RBFOX1: variants seen among roughly 807,000 people sequenced by gnomAD.
The protein encoded by RBFOX1 is RNA binding fox-1 homolog 1, also known as RNA binding protein fox-1 homolog 1.
A neutral mutation model predicts 57.7 loss-of-function variants in RBFOX1; 8 were observed. That is an observed-to-expected ratio of 0.14 (90% CI 0.08 to 0.25). The LOEUF is 0.25. Among genes scored for constraint, RBFOX1 ranks in the 10% least tolerant of loss-of-function variants. The pLI, the probability that RBFOX1 is intolerant of heterozygous loss-of-function variation, is 1.00. For synonymous variants in RBFOX1, 326 were observed against 222.4 expected (o/e 1.47, Z -4.15); for missense variants, 611 against 548.5 (o/e 1.11, Z -1.14).
At chr16:7,688,272 A>T (rs1289813496) in intron 14 of RBFOX1, among the ~76,000 whole-genome samples, 36 of 150,028 alleles carry the variant, frequency 2.4e-4, no homozygotes, top group African/African-American at 8.9e-4. Flanking sequence ...AGAGAGAGAG[A>T]GAGAGAGAGA....
intron 3 of RBFOX1, among the ~76,000 whole-genome samples, chr16:6,780,442 T>A (rs1162363244): frequency 1.7e-5 from 2 of 118,938 alleles, no homozygotes; most frequent in African/African-American, 6.7e-5. Flanking sequence ...ATAGATATAT[T>A]TATATATACA....
At chr16:6,978,066 C>T (rs567673811) in intron 3 of RBFOX1, among the ~76,000 whole-genome samples, 19 of 151,838 alleles carry the variant, frequency 1.3e-4, no homozygotes, top group Admixed American at 1.1e-3. Flanking sequence ...TGCCCCGTAC[C>T]CCGCCCCCCT....
At chr16:6,893,076 A>T (rs2065911742) in intron 3 of RBFOX1, among the ~76,000 whole-genome samples, 1 of 152,184 alleles carries the variant, frequency 6.6e-6, no homozygotes, top group African/African-American at 2.4e-5. Flanking sequence ...CTTGTAAAAG[A>T]CTGCCCACCT....
chr16:5,788,281 G>A (rs1313051156), intron 3 of RBFOX1, among the ~76,000 whole-genome samples: 2 of 152,162 alleles, frequency 1.3e-5, no homozygotes, highest in East Asian at 1.9e-4. Flanking sequence ...TTTTTAAATT[G>A]TATTAACTGC....
intron 1 of RBFOX1, among the ~76,000 whole-genome samples, chr16:5,438,404 C>A (rs2067980758): frequency 6.6e-6 from 1 of 152,186 alleles, no homozygotes; most frequent in Admixed American, 6.5e-5. Flanking sequence ...GTTAGAGACA[C>A]TGGACATAAA....
chr16:7,202,888 AG>A (rs1415736060), intron 4 of RBFOX1, among the ~76,000 whole-genome samples: 1 of 152,108 alleles, frequency 6.6e-6, no homozygotes, highest in African/African-American at 2.4e-5. Context: ...ACAGCCTCAA[AG>A]AAATGTTCTT....
intron 4 of RBFOX1, among the ~76,000 whole-genome samples, chr16:7,181,525 C>G (rs1336936756): frequency 1.3e-5 from 2 of 151,102 alleles, no homozygotes; most frequent in African/African-American, 4.9e-5. Context: ...CTCCCTCTTC[C>G]CTCCCTTGCT....
intron 3 of RBFOX1, among the ~76,000 whole-genome samples, chr16:6,991,066 C>G (rs1173961711): frequency 7.0e-6 from 1 of 142,530 alleles, no homozygotes; most frequent in African/African-American, 2.6e-5. Context: ...CGTTGGGAGG[C>G]CAAGGTGGGT....
chr16:6,957,803 G>A (rs1178685971), intron 3 of RBFOX1, among the ~76,000 whole-genome samples: 1 of 152,098 alleles, frequency 6.6e-6, no homozygotes, highest in Non-Finnish European at 1.5e-5. Flanking sequence ...GGAAAGCCAG[G>A]CATCTCTCTT....
intron 4 of RBFOX1, among the ~76,000 whole-genome samples, chr16:7,057,743 C>G (rs1221501804): frequency 1.3e-5 from 2 of 152,180 alleles, no homozygotes; most frequent in African/African-American, 4.8e-5. Flanking sequence ...TGCAGTGACT[C>G]ACACCTGTCA....
intron 4 of RBFOX1, among the ~76,000 whole-genome samples, chr16:7,374,358 C>T (rs988016036): frequency 2.0e-5 from 3 of 152,192 alleles, no homozygotes; most frequent in African/African-American, 7.2e-5. Context: ...ATATTCCTGT[C>T]TGTCCTCCCT....
intron 2 of RBFOX1, among the ~76,000 whole-genome samples, chr16:5,541,997 C>A (rs1056814952): frequency 6.6e-6 from 1 of 152,022 alleles, no homozygotes; most frequent in Non-Finnish European, 1.5e-5. Context: ...TCACCAGGGG[C>A]CTGTTTAAAG....
At chr16:5,272,081 A>C (rs1287962527) in intron 1 of RBFOX1, among the ~76,000 whole-genome samples, 2 of 152,222 alleles carry the variant, frequency 1.3e-5, no homozygotes, top group Non-Finnish European at 2.9e-5. Context: ...GATCCCTTCA[A>C]CATATTGACA....
intron 3 of RBFOX1, among the ~76,000 whole-genome samples, chr16:7,025,480 C>T (rs1191025704): frequency 3.3e-5 from 5 of 152,276 alleles, no homozygotes; most frequent in African/African-American, 9.6e-5. Flanking sequence ...CCTAGTAGGT[C>T]TCAGCCTTGT....
intron 14 of RBFOX1, among the ~76,000 whole-genome samples, chr16:7,705,114 CA>C (rs2082018245): frequency 6.6e-6 from 1 of 150,418 alleles, no homozygotes; most frequent in Non-Finnish European, 1.5e-5. Flanking sequence ...AGGGAAGGGA[CA>C]TTTGATTTGA....
rs114281990 is a variant in RBFOX1, at chr16:5,750,231, C to T, written c.319-117072C>T. ...TGCCCGATCATTCCTTTGGAAGCTT[C>T]GTCTCAGAGGGGCACCCGACTGCAT... is the stretch of plus-strand genomic sequence containing the variant. On this transcript the variant is annotated intron_variant, in intron 3 of 19. Coordinates refer to the RBFOX1 transcript ENST00000641259. Among the ~76,000 whole-genome samples the T allele has an allele frequency of 4.2e-3, 632 of 152,248 alleles. 7 individuals carry two copies. Among genetic ancestry groups the T allele is most frequent in the African/African-American group, 0.014 (599 of 41,548 alleles).
At chr16:6,714,130 T>C (rs1194680390) in intron 3 of RBFOX1, among the ~76,000 whole-genome samples, 1 of 152,162 alleles carries the variant, frequency 6.6e-6, no homozygotes, top group East Asian at 1.9e-4. Flanking sequence ...GAATGGTAGT[T>C]TTTCCTGCAC....
At chr16:6,210,360 C>CAAAAAAAAA (rs2097287106) in intron 1 of RBFOX1, among the ~76,000 whole-genome samples, 1 of 27,466 alleles carries the variant, frequency 3.6e-5, no homozygotes, top group African/African-American at 2.1e-4. Context: ...AAAAAAAACA[C>CAAAAAAAAA]CAAAAAAAAA....
At chr16:5,289,826 C>A (rs1451410665) in intron 1 of RBFOX1, among the ~76,000 whole-genome samples, 1 of 152,186 alleles carries the variant, frequency 6.6e-6, no homozygotes, top group African/African-American at 2.4e-5. Context: ...TGTGGCACTT[C>A]TTCAAAAGCT....
Sources: gnomAD v4.1 joint callset for allele counts (sites outside exome capture counted in the v4.1 genomes callset) on GRCh38, gnomAD v4.1.1 for gene constraint, MANE v1.5 for transcripts, NCBI Gene and HGNC (gene_info 2026-07-23, HGNC 2026-07-21) for gene names.